Variants in GCNT2 observed in about 807,000 individuals in gnomAD.
GCNT2 encodes the protein glucosaminyl (N-acetyl) transferase 2 (I blood group), also known as N-acetyllactosaminide beta-1,6-N-acetylglucosaminyl-transferase.
A neutral mutation model predicts 34.2 loss-of-function variants in GCNT2; 34 were observed. The ratio of observed to expected loss-of-function variants is 1.00; its 90% CI spans 0.76 to 1.32. GCNT2 has a LOEUF of 1.32. Ranked by LOEUF, GCNT2 falls within the 40% of genes most tolerant of loss-of-function variation. The pLI, the probability that GCNT2 is intolerant of heterozygous loss-of-function variation, is 0.00. For synonymous variants in GCNT2, 212 were observed against 188.0 expected (o/e 1.13, Z -1.04); for missense variants, 584 against 489.4 (o/e 1.19, Z -1.82).
intron 3 of GCNT2, among the ~76,000 whole-genome samples, chr6:10,611,993 G>C (rs1298127615): frequency 6.6e-5 from 10 of 150,748 alleles, no homozygotes; most frequent in Admixed American, 6.6e-4. Flanking sequence ...TTTTTTGTTT[G>C]CTTGTTTTTT....
At position 10,586,554 on chromosome 6, in the gene GCNT2, A is replaced by G. The variant is rs774227743; in HGVS notation, c.926-34797A>G. ...TGAGGTTCCCTGGAAGTACGTCATCAACACCTGTGGACAAGACTTCCCCCT... is the reference window on the plus strand; with the variant it reads ...TGAGGTTCCCTGGAAGTACGTCATCGACACCTGTGGACAAGACTTCCCCCT... On this transcript the variant is annotated intron_variant, in intron 3 of 4. Transcript: ENST00000495262. The G allele has an allele frequency of 9.9e-6, 16 of 1,614,176 alleles. 1 individual carries two copies. In the Middle Eastern group the frequency reaches 1.2e-3, roughly 116 times the overall value.
intron 3 of GCNT2, among the ~76,000 whole-genome samples, chr6:10,616,673 C>T (rs538382401): frequency 9.2e-5 from 14 of 152,102 alleles, no homozygotes; most frequent in African/African-American, 3.4e-4. Flanking sequence ...TACAGAGTGC[C>T]GATTGGTGCA....
At chr6:10,606,928 A>T (rs1175985703) in intron 3 of GCNT2, among the ~76,000 whole-genome samples, 1 of 151,710 alleles carries the variant, frequency 6.6e-6, no homozygotes, top group East Asian at 1.9e-4. Context: ...GAGACTAGGT[A>T]ATTTATTTAT....
chr6:10,556,354 A>AT (rs2113659301), intron 3 of GCNT2: 1 of 1,606,724 alleles, frequency 6.2e-7, no homozygotes, highest in Non-Finnish European at 8.5e-7. Context: ...GAACTCAGAG[A>AT]AACGAGTGAG....
chr6:10,586,198 G>A (rs770669099), intron 3 of GCNT2: 8 of 1,613,960 alleles, frequency 5.0e-6, no homozygotes, highest in East Asian at 2.2e-5. Context: ...TCACCTTTGC[G>A]AAGTGTCCCT....
At chr6:10,570,029 C>T (rs1438461873) in intron 3 of GCNT2, among the ~76,000 whole-genome samples, 1 of 151,496 alleles carries the variant, frequency 6.6e-6, no homozygotes, top group Non-Finnish European at 1.5e-5. Context: ...GAGTGCATGG[C>T]GTGATCACGG....
At chr6:10,622,646 T>C (rs941796347) in intron 4 of GCNT2, among the ~76,000 whole-genome samples, 3 of 151,992 alleles carry the variant, frequency 2.0e-5, no homozygotes, top group Non-Finnish European at 4.4e-5. Flanking sequence ...TAGTAAGTGA[T>C]TGTTTGAACA....
chr6:10,530,724 AAAAC>A (rs372193785), intron 3 of GCNT2, among the ~76,000 whole-genome samples: 163 of 151,940 alleles, frequency 1.1e-3, no homozygotes, highest in African/African-American at 2.3e-3. Flanking sequence ...TCAAGAAGTT[AAAAC>A]AAACAAACAA....
intron 3 of GCNT2, among the ~76,000 whole-genome samples, chr6:10,536,973 C>T (rs1422828563): frequency 1.3e-5 from 2 of 152,090 alleles, no homozygotes; most frequent in African/African-American, 4.8e-5. Context: ...ACCATGTTGG[C>T]CAGGCTGGTC....
At chr6:10,615,037 A>G (rs1480702442) in intron 3 of GCNT2, among the ~76,000 whole-genome samples, 1 of 152,196 alleles carries the variant, frequency 6.6e-6, no homozygotes, top group Non-Finnish European at 1.5e-5. Context: ...GTTAGTTACA[A>G]TTAACCCAAG....
rs1438386757 is a variant in GCNT2 at position 10,528,850 on chromosome 6, A to G, written c.-62A>G. ...CGGAACCTGGAGAAAATGTAAGTTA[A>G]ATATATCTACACTCTGATCCTATCT... On this transcript the variant is annotated 5_prime_UTR_variant, in exon 3 of 5. It removes the in-frame stop codon of an upstream open reading frame in the 5' UTR. Transcript: ENST00000495262. The G allele has an allele frequency of 7.5e-7, 1 of 1,331,316 alleles. No homozygotes were observed. Among genetic ancestry groups the G allele is most frequent in the Non-Finnish European group, 1.1e-6 (1 of 924,344 alleles). 82.5% of individuals were successfully genotyped at this position (1,331,316 alleles called of 1,614,324 possible). A position where few individuals can be genotyped will look rare whatever the true frequency, so the allele number is the denominator to read the frequency against.
chr6:10,537,872 T>TA (rs576779488), intron 3 of GCNT2, among the ~76,000 whole-genome samples: 23 of 152,146 alleles, frequency 1.5e-4, no homozygotes, highest in Middle Eastern at 6.8e-3. Context: ...AAGCCTATTT[T>TA]ATAATAAAGT....
intron 4 of GCNT2, among the ~76,000 whole-genome samples, chr6:10,625,902 CAA>C (rs1766235339): frequency 6.6e-6 from 1 of 152,092 alleles, no homozygotes; most frequent in African/African-American, 2.4e-5. Context: ...ACAATTATAA[CAA>C]TATGCTGTAA....
At chr6:10,574,791 C>G in intron 3 of GCNT2, 1 of 608,158 alleles carries the variant, frequency 1.6e-6, no homozygotes, top group Non-Finnish European at 3.1e-6. Flanking sequence ...GCTCAGCCTC[C>G]TTCCCACTGG....
chr6:10,565,618 G>A lies in GCNT2; in HGVS notation c.925+35782G>A, dbSNP rs191881851. 2.4e-3 allele frequency among the ~76,000 whole-genome samples: 358 copies of A among 152,274 alleles called. 3 individuals are homozygous for A. The highest frequency in any genetic ancestry group is 0.01 in the Middle Eastern group (3 of 294). The stretch of plus-strand genomic sequence containing the variant: ...TGTTTCTTTGCAGTCAGCTTCTGCT[G>A]GCCTGCCCGTTGCCTTTTCGCAATG... On this transcript the variant is annotated intron_variant, in intron 3 of 4. Transcript: ENST00000495262.
chr6:10,571,289 A>G (rs965134807), intron 3 of GCNT2, among the ~76,000 whole-genome samples: 3 of 152,204 alleles, frequency 2.0e-5, no homozygotes, highest in African/African-American at 4.8e-5. Flanking sequence ...TATAGAGGGA[A>G]GGGAGTTTAG....
At chr6:10,588,176 T>A (rs1053875716) in intron 3 of GCNT2, among the ~76,000 whole-genome samples, 2 of 152,140 alleles carry the variant, frequency 1.3e-5, no homozygotes, top group African/African-American at 4.8e-5. Flanking sequence ...TTATGCTGTC[T>A]CATGCGCAAT....
rs1443116838 is a variant in GCNT2 at position 10,628,609 on chromosome 6, C to A, written c.*2002C>A. 1 of 152,230 alleles carries A rather than the reference C, an allele frequency of 6.6e-6. No individual in the cohort carries two copies. Among genetic ancestry groups the A allele is most frequent in the African/African-American group, 2.4e-5 (1 of 41,452 alleles). 9.4% of individuals were successfully genotyped at this position (152,230 alleles called of 1,614,324 possible). A position where few individuals can be genotyped will look rare whatever the true frequency, so the allele number is the denominator to read the frequency against. The stretch of plus-strand genomic sequence containing the variant: ...GATGGGACTGTGTCCCCCCAAAATT[C>A]ATGTGTTGGAGCCTTAACCCTCAAT... On this transcript the variant is annotated 3_prime_UTR_variant, in exon 5 of 5. Transcript: ENST00000495262.
At chr6:10,622,943 C>T (rs1241875608) in intron 4 of GCNT2, among the ~76,000 whole-genome samples, 4 of 151,734 alleles carry the variant, frequency 2.6e-5, no homozygotes, top group Non-Finnish European at 4.4e-5. Context: ...TTAGTAGAGA[C>T]GGGGCTTCAC....
Sources: allele counts gnomAD v4.1 joint callset (sites outside exome capture counted in the v4.1 genomes callset), GRCh38; gene constraint gnomAD v4.1.1; transcripts MANE v1.5; gene names NCBI Gene and HGNC (gene_info 2026-07-23, HGNC 2026-07-21).